The following PLAC1 variants were observed in gnomAD, a reference collection of about 807,000 sequenced individuals.
The protein encoded by PLAC1 is placenta-specific protein 1.
For synonymous variants in PLAC1, 68 were observed against 62.1 expected, an observed-to-expected ratio of 1.09 and a Z score of -0.44; for missense variants, 136 against 163.2, an observed-to-expected ratio of 0.83 and a Z score of 0.91.
At chrX:134,655,124 G>T (rs899380490) in intron 1 of PLAC1, among the ~76,000 whole-genome samples, 19 of 111,162 alleles carry the variant, frequency 1.7e-4, no homozygotes, top group Non-Finnish European at 2.6e-4. Flanking sequence ...GGGCAGAAAG[G>T]TTCCCCCCAT....
upstream of PLAC1, among the ~76,000 whole-genome samples, chrX:134,659,711 T>C (rs1053896980): frequency 2.7e-5 from 3 of 112,565 alleles, no homozygotes; most frequent in Non-Finnish European, 5.6e-5. Context: ...TTGGCTTATA[T>C]TATTTAGGTT....
intron 2 of PLAC1, among the ~76,000 whole-genome samples, chrX:134,727,115 C>A (rs1379158291): frequency 9.0e-6 from 1 of 111,186 alleles, no homozygotes; most frequent in Non-Finnish European, 1.9e-5. Context: ...CATAGGCACC[C>A]CTGTCTCTGG....
At chrX:134,596,844 G>A (rs1021098174) in intron 2 of PLAC1, among the ~76,000 whole-genome samples, 3 of 110,222 alleles carry the variant, frequency 2.7e-5, no homozygotes, top group Non-Finnish European at 3.8e-5. Context: ...CAATCCACCC[G>A]CCTTGGCCCC....
At chrX:134,683,192 C>G (rs2078504639) in intron 2 of PLAC1, among the ~76,000 whole-genome samples, 1 of 109,925 alleles carries the variant, frequency 9.1e-6, no homozygotes, top group Non-Finnish European at 1.9e-5. Context: ...GTGATTGAAG[C>G]TGCAATTGAT....
intron 2 of PLAC1, among the ~76,000 whole-genome samples, chrX:134,679,310 G>A (rs760804461): frequency 3.6e-5 from 4 of 110,987 alleles, no homozygotes; most frequent in Non-Finnish European, 7.5e-5. Context: ...AGTAGGCCGT[G>A]GATATATAAG....
chrX:134,649,440 C>T (rs1214389342), intron 1 of PLAC1, among the ~76,000 whole-genome samples: 1 of 110,791 alleles, frequency 9.0e-6, no homozygotes. Flanking sequence ...ACTCCTTGTT[C>T]AGTGATGTCA....
intron 1 of PLAC1, among the ~76,000 whole-genome samples, chrX:134,654,170 C>G (rs1312475171): frequency 8.9e-6 from 1 of 111,773 alleles, no homozygotes; most frequent in East Asian, 2.8e-4. Context: ...TGGGCTCCAT[C>G]CTTGGACTTC....
chrX:134,658,197 G>T (rs902084240), intron 1 of PLAC1, 131 bp downstream of exon 1: 3 of 112,587 alleles, frequency 2.7e-5, no homozygotes, highest in African/African-American at 9.7e-5. Flanking sequence ...AAACACCAGG[G>T]TCTTCCTGAA....
intron 1 of PLAC1, among the ~76,000 whole-genome samples, chrX:134,758,658 C>T (rs773041599): frequency 8.3e-4 from 93 of 111,916 alleles, no homozygotes; most frequent in African/African-American, 3.0e-3. Context: ...ATGGATTAAA[C>T]ATAAGACTTG....
Position 134,566,374 on chromosome X carries a change from C to T in PLAC1, c.309G>A (p.Lys103=), listed in dbSNP as rs755155672. The T allele has an allele frequency of 8.3e-6, 10 of 1,211,523 alleles. No homozygotes were observed. The highest frequency in any genetic ancestry group is 8.9e-6 in the Non-Finnish European group (8 of 895,358). ...IYSTEIHYSS[K]GTPSKFVIPV... ...GGATCACAAACTTAGATGGCGTGCC[C>T]TTAGAAGAGTAGTGTATCTCAGTGC... is the stretch of plus-strand genomic sequence containing the variant. Residue 103 remains lysine, a synonymous_variant, in exon 3 of 3, where the codon AAG becomes AAA. Transcript: ENST00000359237.
At chrX:134,606,066 C>G (rs111348688) in intron 1 of PLAC1, 15 of 110,212 alleles carry the variant, frequency 1.4e-4, no homozygotes, top group African/African-American at 5.0e-4. Flanking sequence ...ATGGTGAAAC[C>G]CTGTCTCTAC....
At chrX:134,601,342 T>G (rs1353061544) in intron 2 of PLAC1, among the ~76,000 whole-genome samples, 1 of 112,303 alleles carries the variant, frequency 8.9e-6, no homozygotes, top group African/African-American at 3.2e-5. Flanking sequence ...TGTGCATCTC[T>G]ATTTCCTTTT....
At chrX:134,623,347 A>C (rs1326966595) in intron 1 of PLAC1, among the ~76,000 whole-genome samples, 1 of 111,845 alleles carries the variant, frequency 8.9e-6, no homozygotes, top group East Asian at 2.8e-4. Flanking sequence ...GTGGAATCCA[A>C]CCTTTCAACT....
At chrX:134,752,915 T>C (rs1006505479) in intron 1 of PLAC1, among the ~76,000 whole-genome samples, 5 of 111,645 alleles carry the variant, frequency 4.5e-5, no homozygotes, top group African/African-American at 6.5e-5. Flanking sequence ...TATGAGATAA[T>C]TGACATAGCA....
chrX:134,610,548 A>G (rs772730471), intron 1 of PLAC1, among the ~76,000 whole-genome samples: 1 of 111,558 alleles, frequency 9.0e-6, no homozygotes, highest in African/African-American at 3.3e-5. Flanking sequence ...TGCCTTTGCC[A>G]TGCCCTGTGC....
chrX:134,581,099 A>C (rs969620253), intron 2 of PLAC1, among the ~76,000 whole-genome samples: 1 of 111,805 alleles, frequency 8.9e-6, no homozygotes, highest in Admixed American at 9.5e-5. Context: ...TGATTTCATC[A>C]TATCTTTAAA....
At chrX:134,583,229 A>G (rs1347227016) in intron 2 of PLAC1, among the ~76,000 whole-genome samples, 1 of 90,343 alleles carries the variant, frequency 1.1e-5, no homozygotes, top group African/African-American at 3.9e-5. Context: ...TTTTGATATA[A>G]TGATAAGGAG....
chrX:134,624,364 C>T, intron 1 of PLAC1, among the ~76,000 whole-genome samples: 1 of 111,890 alleles, frequency 8.9e-6, no homozygotes, highest in Admixed American at 9.5e-5. Context: ...AACAGCAAAC[C>T]TGCTTTCAGA....
At chrX:134,573,084 AC>A (rs777189264) in intron 2 of PLAC1, among the ~76,000 whole-genome samples, 1 of 112,003 alleles carries the variant, frequency 8.9e-6, no homozygotes, top group East Asian at 2.8e-4. Flanking sequence ...ATAAGGCTAC[AC>A]AACAAGGGTA....
Sources: gnomAD v4.1 joint callset for allele counts (sites outside exome capture counted in the v4.1 genomes callset) on GRCh38, gnomAD v4.1.1 for gene constraint, MANE v1.5 for transcripts, NCBI Gene and HGNC (gene_info 2026-07-23, HGNC 2026-07-21) for gene names.